Variants in PPP2R2B observed in about 807,000 individuals in gnomAD.
PPP2R2B encodes the protein serine/threonine-protein phosphatase 2A 55 kDa regulatory subunit B beta isoform.
PPP2R2B carries 5 observed loss-of-function variants against 46.0 expected under a neutral mutation model. The observed-to-expected ratio is 0.11, with a 90% CI of 0.06 to 0.23. The LOEUF (loss-of-function observed/expected upper bound fraction) is 0.23, where lower values mean the gene tolerates loss of function less well. PPP2R2B is among the 10% of genes least tolerant of loss of function. PPP2R2B has a pLI of 1.00. For synonymous variants in PPP2R2B, 215 were observed against 206.7 expected (o/e 1.04, Z -0.34); for missense variants, 367 against 575.0 (o/e 0.64, Z 3.70).
At position 146,878,122 on chromosome 5, in the gene PPP2R2B, A is replaced by G. The variant is rs540812874; in HGVS notation, c.-51T>C. Reference sequence around the variant, plus strand: ...ACCAGAAGCCGGCAGACAAGTATCCATGATCCCTCCCCGCAGCCAGTCTCA... The same window carrying G: ...ACCAGAAGCCGGCAGACAAGTATCCGTGATCCCTCCCCGCAGCCAGTCTCA... On this transcript the variant is annotated 5_prime_UTR_variant, in exon 2 of 10. The change abolishes an upstream ATG in the 5' untranslated region. Transcript: ENST00000394411. This position sits in a 1 kb window ranked among gnomAD's most constrained non-coding sequence, Gnocchi z 4.5. 1 of 1,613,506 alleles carries G rather than the reference A, an allele frequency of 6.2e-7. No individual in the cohort carries two copies. Among genetic ancestry groups the G allele is most frequent in the Non-Finnish European group, 8.5e-7 (1 of 1,179,762 alleles).
At chr5:146,875,187 A>T (rs1339610040) in intron 2 of PPP2R2B, among the ~76,000 whole-genome samples, 1 of 152,214 alleles carries the variant, frequency 6.6e-6, no homozygotes, top group East Asian at 1.9e-4. Flanking sequence ...AAATGACAAC[A>T]TCCATTTAAC....
chr5:146,944,237 G>T (rs537246315), intron 1 of PPP2R2B, among the ~76,000 whole-genome samples: 1 of 152,230 alleles, frequency 6.6e-6, no homozygotes, highest in Admixed American at 6.5e-5. Context: ...TTGAGAAAAG[G>T]TATCCAGGTA....
rs757541383 is a variant in PPP2R2B, at chr5:146,600,342, G to A, written c.909C>T (p.Thr303=). 1.2e-5 allele frequency: 19 copies of A among 1,613,652 alleles called. No individual in the cohort carries two copies. The East Asian group carries it at 2.2e-4, about 19-fold the overall frequency. ...GRYIMTRDYL[T]VKVWDLNMEN... ...CCATGTTGAGATCCCAGACTTTGAC[G>A]GTCAAGTAGTCCCTGGTCATGATAT... The change falls in exon 8 of 10, where the codon ACC becomes ACT. Residue 303 remains threonine (T), a synonymous_variant. Coordinates refer to ENST00000394411, the MANE Select transcript of PPP2R2B (RefSeq NM_181675.4).
At chr5:146,651,589 GA>G (rs1259307448) in intron 5 of PPP2R2B, among the ~76,000 whole-genome samples, 1 of 152,058 alleles carries the variant, frequency 6.6e-6, no homozygotes, top group African/African-American at 2.4e-5. Context: ...TGGCTACAAA[GA>G]AAGAGAATAA....
intron 2 of PPP2R2B, among the ~76,000 whole-genome samples, chr5:146,838,819 T>C (rs996117367): frequency 6.6e-6 from 1 of 152,206 alleles, no homozygotes; most frequent in African/African-American, 2.4e-5. Context: ...GACAAGGTTT[T>C]CTTGAAATAA....
At chr5:147,023,378 A>G (rs913909856) in intron 1 of PPP2R2B, among the ~76,000 whole-genome samples, 1 of 152,206 alleles carries the variant, frequency 6.6e-6, no homozygotes, top group Non-Finnish European at 1.5e-5. Context: ...ATGGATAAAT[A>G]GAGAAAATAG....
intron 1 of PPP2R2B, among the ~76,000 whole-genome samples, chr5:147,050,484 G>A (rs145573029): frequency 1.3e-5 from 2 of 152,112 alleles, no homozygotes; most frequent in African/African-American, 4.8e-5. Flanking sequence ...ATATGAAAAA[G>A]GTACAAAATA....
At chr5:146,632,930 G>A (rs775340908) in intron 7 of PPP2R2B, among the ~76,000 whole-genome samples, 5 of 152,150 alleles carry the variant, frequency 3.3e-5, no homozygotes, top group South Asian at 4.2e-4. Flanking sequence ...GATTTACGGG[G>A]CACGTTGGAA....
intron 5 of PPP2R2B, among the ~76,000 whole-genome samples, chr5:146,687,122 G>A (rs113109890): frequency 6.6e-6 from 1 of 151,408 alleles, no homozygotes; most frequent in African/African-American, 2.4e-5. Context: ...GAGAGGGAGC[G>A]ATTGATCGAT....
intron 1 of PPP2R2B, among the ~76,000 whole-genome samples, chr5:147,045,927 C>T (rs929299592): frequency 3.9e-5 from 6 of 152,098 alleles, no homozygotes; most frequent in African/African-American, 9.7e-5. Flanking sequence ...ACTCATCCTT[C>T]GGATCTCAGC....
chr5:146,997,368 G>A (rs529550980), intron 1 of PPP2R2B, among the ~76,000 whole-genome samples: 18 of 152,190 alleles, frequency 1.2e-4, no homozygotes, highest in Admixed American at 9.2e-4. Context: ...GTATGAATGA[G>A]GGAATCCAAC....
chr5:146,853,114 C>T (rs1046625591), intron 2 of PPP2R2B, among the ~76,000 whole-genome samples: 1 of 152,022 alleles, frequency 6.6e-6, no homozygotes, highest in Non-Finnish European at 1.5e-5. Flanking sequence ...ACCCATGGTC[C>T]AACTTATCTA....
chr5:146,844,361 AAAAAAC>A (rs1202777022), intron 2 of PPP2R2B, among the ~76,000 whole-genome samples: 3 of 133,702 alleles, frequency 2.2e-5, no homozygotes, highest in African/African-American at 9.2e-5. Flanking sequence ...AATAAAAAAA[AAAAAAC>A]ATTAAAAAAA....
intron 2 of PPP2R2B, among the ~76,000 whole-genome samples, chr5:146,733,358 G>A (rs2151209173): frequency 1.3e-5 from 2 of 152,246 alleles, no homozygotes; most frequent in South Asian, 4.1e-4. Flanking sequence ...AATTAATTGG[G>A]GGTGAGGGGC....
intron 5 of PPP2R2B, among the ~76,000 whole-genome samples, chr5:146,683,826 T>C (rs1778324443): frequency 6.6e-6 from 1 of 152,182 alleles, no homozygotes; most frequent in Admixed American, 6.5e-5. Context: ...CAGATAATGA[T>C]GGCAATCAAT....
chr5:146,809,165 C>A (rs1449500239), intron 2 of PPP2R2B, among the ~76,000 whole-genome samples: 1 of 152,144 alleles, frequency 6.6e-6, no homozygotes, highest in African/African-American at 2.4e-5. Context: ...AATGACCTTC[C>A]CTTTCTCCGC....
chr5:146,830,814 G>A (rs1279565069), intron 2 of PPP2R2B, among the ~76,000 whole-genome samples: 1 of 152,096 alleles, frequency 6.6e-6, no homozygotes, highest in Non-Finnish European at 1.5e-5. Flanking sequence ...AGTTCATTAG[G>A]TGACTTGCTA....
intron 5 of PPP2R2B, among the ~76,000 whole-genome samples, chr5:146,664,298 G>A (rs1437443148): frequency 6.6e-6 from 1 of 152,130 alleles, no homozygotes; most frequent in Non-Finnish European, 1.5e-5. Flanking sequence ...CACTGTTGCT[G>A]CTTTATTAAC....
In PPP2R2B at chr5:146,907,854, G is replaced by T. The variant is rs562426493; in HGVS notation, c.79+147811C>A. Among the ~76,000 whole-genome samples, 4 of 152,242 alleles carry T rather than the reference G, an allele frequency of 2.6e-5. No individual in the cohort carries two copies. In the East Asian group the frequency reaches 7.7e-4, roughly 29 times the overall value. On this transcript the variant is annotated intron_variant, in intron 1 of 8. Coordinates refer to the PPP2R2B transcript ENST00000336640. ...CAAATGGTGAGGTTCTTGGGGGCATGCCTTTCATTTCCATAGTATGCAGTG... is the reference window on the plus strand; with the variant it reads ...CAAATGGTGAGGTTCTTGGGGGCATTCCTTTCATTTCCATAGTATGCAGTG...
Sources: gnomAD v4.1 joint callset for allele counts (sites outside exome capture counted in the v4.1 genomes callset) on GRCh38, gnomAD v4.1.1 for gene constraint, Gnocchi (gnomAD v3.1) non-coding constraint, MANE v1.5 for transcripts, NCBI Gene and HGNC (gene_info 2026-07-23, HGNC 2026-07-21) for gene names.